NKAIN3: variants seen among roughly 807,000 people sequenced by gnomAD.
NKAIN3 encodes the protein sodium/potassium-transporting ATPase subunit beta-1-interacting protein 3.
A neutral mutation model predicts 30.2 loss-of-function variants in NKAIN3; 25 were observed. The ratio of observed to expected loss-of-function variants is 0.83; its 90% CI spans 0.60 to 1.16. NKAIN3 has a LOEUF of 1.16. NKAIN3 is among the 50% of genes most tolerant of loss of function. NKAIN3 has a pLI of 0.00. For synonymous variants in NKAIN3, 91 were observed against 89.6 expected, an observed-to-expected ratio of 1.02 and a Z score of -0.09; for missense variants, 225 against 254.1, an observed-to-expected ratio of 0.89 and a Z score of 0.78.
chr8:62,347,451 TTATC>T (rs1487400266), intron 1 of NKAIN3, among the ~76,000 whole-genome samples: 8 of 152,040 alleles, frequency 5.3e-5, no homozygotes, highest in African/African-American at 1.7e-4. Flanking sequence ...TCTAAAGAGA[TTATC>T]TAAGAATTGA....
chr8:62,451,518 C>T (rs1033229403), intron 1 of NKAIN3, among the ~76,000 whole-genome samples: 15 of 152,106 alleles, frequency 9.9e-5, no homozygotes, highest in African/African-American at 3.1e-4. Context: ...ATAAGCACCA[C>T]GTGAGCAATC....
In NKAIN3 at chr8:62,978,749, A is replaced by G. The variant is rs79820550; in HGVS notation, c.*13342A>G. On this transcript the variant is annotated 3_prime_UTR_variant, in exon 7 of 7. Transcript: ENST00000623646. ...TGGTTCTGTCTCTCTGGCATTCCAG[A>G]CAACTCTGGGGTACGAAAAAAACTC... 16,321 of 152,906 alleles carry G rather than the reference A, an allele frequency of 0.11. 914 individuals carry two copies. The highest frequency in any genetic ancestry group is 0.17 in the South Asian group (823 of 4,818). 9.5% of individuals were successfully genotyped at this position (152,906 alleles called of 1,614,324 possible).
chr8:62,565,543 T>C (rs751286539), intron 1 of NKAIN3, among the ~76,000 whole-genome samples: 4 of 152,170 alleles, frequency 2.6e-5, no homozygotes, highest in Non-Finnish European at 5.9e-5. Context: ...TCAGTATAAA[T>C]GGCAGAGCCA....
intron 1 of NKAIN3, chr8:62,483,266 G>A (rs1358445344): frequency 2.6e-5 from 4 of 152,930 alleles, no homozygotes; most frequent in Admixed American, 2.6e-4. Flanking sequence ...GCAAAAGGCA[G>A]GGGATGGATG....
intron 1 of NKAIN3, among the ~76,000 whole-genome samples, chr8:62,527,882 G>GGTGTGTGGT: frequency 7.0e-6 from 1 of 143,798 alleles, no homozygotes; most frequent in South Asian, 2.2e-4. Context: ...ACTTTTTTTT[G>GGTGTGTGGT]GTGTGTGTGT....
chr8:62,812,007 G>A (rs1304046534), intron 4 of NKAIN3, among the ~76,000 whole-genome samples: 2 of 151,688 alleles, frequency 1.3e-5, no homozygotes, highest in East Asian at 1.9e-4. Context: ...GATTCATGTC[G>A]AGCAAATTTT....
intron 4 of NKAIN3, among the ~76,000 whole-genome samples, chr8:62,749,650 T>C (rs1816204876): frequency 6.6e-6 from 1 of 151,282 alleles, no homozygotes; most frequent in Non-Finnish European, 1.5e-5. Flanking sequence ...TGATTATGTA[T>C]ACTTATTAGA....
intron 1 of NKAIN3, among the ~76,000 whole-genome samples, chr8:62,476,450 T>C (rs1327675145): frequency 6.6e-6 from 1 of 152,060 alleles, no homozygotes; most frequent in Non-Finnish European, 1.5e-5. Context: ...AGTTTTTTTT[T>C]TTCATTTGTT....
chr8:62,801,323 G>T (rs1353796088), intron 4 of NKAIN3, among the ~76,000 whole-genome samples: 2 of 152,198 alleles, frequency 1.3e-5, no homozygotes, highest in African/African-American at 2.4e-5. Context: ...CCTCAAGTGG[G>T]TCCCTGACCC....
intron 4 of NKAIN3, among the ~76,000 whole-genome samples, chr8:62,869,968 C>T (rs1025200408): frequency 1.3e-5 from 2 of 151,548 alleles, no homozygotes; most frequent in East Asian, 1.9e-4. Context: ...GACGGGGTTT[C>T]GCCGTGTTAG....
chr8:62,985,069 C>G (rs1824175568), downstream of NKAIN3, among the ~76,000 whole-genome samples: 1 of 152,148 alleles, frequency 6.6e-6, no homozygotes, highest in South Asian at 2.1e-4. Context: ...CTATAGGAAA[C>G]CTGGTCCCTC....
intron 1 of NKAIN3, among the ~76,000 whole-genome samples, chr8:62,543,695 G>T (rs1470863676): frequency 2.0e-5 from 3 of 152,074 alleles, no homozygotes; most frequent in Non-Finnish European, 4.4e-5. Context: ...GGGTACTTTG[G>T]CAAAATCTTT....
chr8:62,841,331 T>A (rs954276098), intron 4 of NKAIN3, among the ~76,000 whole-genome samples: 3 of 152,068 alleles, frequency 2.0e-5, no homozygotes, highest in African/African-American at 7.2e-5. Context: ...ATGACATCTT[T>A]GAAATTTACT....
chr8:62,784,137 T>C (rs1007367716), intron 4 of NKAIN3, among the ~76,000 whole-genome samples: 5 of 151,946 alleles, frequency 3.3e-5, no homozygotes, highest in African/African-American at 9.7e-5. Context: ...AACACAGTTA[T>C]GAGAGGTAAA....
intron 1 of NKAIN3, among the ~76,000 whole-genome samples, chr8:62,495,171 A>G (rs776309281): frequency 3.3e-5 from 5 of 152,128 alleles, no homozygotes; most frequent in Non-Finnish European, 5.9e-5. Context: ...CAGTTTTGCT[A>G]TAACTATGTC....
chr8:62,904,546 C>A (rs1050300261), intron 4 of NKAIN3, among the ~76,000 whole-genome samples: 12 of 152,126 alleles, frequency 7.9e-5, no homozygotes, highest in Admixed American at 2.6e-4. Context: ...TGAATCATGG[C>A]AATAACTCTG....
At position 62,261,013 on chromosome 8, in the gene NKAIN3, G is replaced by T. The variant is rs576588359; in HGVS notation, c.54+11886G>T. Among the ~76,000 whole-genome samples the T allele has an allele frequency of 8.2e-4, 125 of 152,104 alleles. 1 individual carries two copies. Among genetic ancestry groups the T allele is most frequent in the Middle Eastern group, 6.8e-3 (2 of 294 alleles). ...TTGGTAGCTAAAATTTTTTTATGAA[G>T]TGTTTATATCATAGAAATATCATTC... On this transcript the variant is annotated intron_variant, in intron 1 of 6. Transcript: ENST00000623646.
At chr8:62,322,765 GACAA>G (rs1176323331) in intron 1 of NKAIN3, among the ~76,000 whole-genome samples, 1 of 152,088 alleles carries the variant, frequency 6.6e-6, no homozygotes, top group Non-Finnish European at 1.5e-5. Context: ...AACATTTGCT[GACAA>G]ACAAACAAAA....
chr8:62,379,096 G>T (rs1197192656), intron 1 of NKAIN3, among the ~76,000 whole-genome samples: 1 of 152,212 alleles, frequency 6.6e-6, no homozygotes, highest in Non-Finnish European at 1.5e-5. Context: ...TGGAGTCAAA[G>T]GAGATAAGTT....
Sources: allele counts gnomAD v4.1 joint callset (sites outside exome capture counted in the v4.1 genomes callset), GRCh38; gene constraint gnomAD v4.1.1; transcripts MANE v1.5; gene names NCBI Gene and HGNC (gene_info 2026-07-23, HGNC 2026-07-21).